TMEM131L: variants seen among roughly 807,000 people sequenced by gnomAD.
TMEM131L encodes transmembrane 131 like.
TMEM131L carries 54 observed loss-of-function variants against 192.2 expected under a neutral mutation model. That is an observed-to-expected ratio of 0.28 (90% CI 0.23 to 0.35). The LOEUF (loss-of-function observed/expected upper bound fraction) is 0.35, where lower values mean the gene tolerates loss of function less well. TMEM131L is among the 10% of genes least tolerant of loss of function. The pLI is 1.00. For synonymous variants in TMEM131L, 701 were observed against 704.9 expected, an observed-to-expected ratio of 0.99 and a Z score of 0.09; for missense variants, 1,888 against 1,972.9, an observed-to-expected ratio of 0.96 and a Z score of 0.82.
At chr4:153,558,130 A>G in intron 6 of TMEM131L, 128 bp from the exon 7 acceptor site, 1 of 491,382 alleles carries the variant, frequency 2.0e-6, no homozygotes, top group Non-Finnish European at 3.8e-6. Context: ...AAATAAAATA[A>G]TTGGATTAGT....
At chr4:153,627,554 T>C (rs1413069152) in intron 30 of TMEM131L, 51 bp from the exon 31 acceptor site, 1 of 1,400,994 alleles carries the variant, frequency 7.1e-7, no homozygotes, top group Non-Finnish European at 1.0e-6. Flanking sequence ...ATATCAGTAT[T>C]TCCTCGTGCA....
chr4:153,603,907 A>G lies in TMEM131L; in HGVS notation c.2895A>G (p.Ala965=), dbSNP rs780581875. 7 of 1,614,132 alleles carry G rather than the reference A, an allele frequency of 4.3e-6. No homozygotes were observed. In the South Asian group the frequency reaches 7.7e-5, roughly 18 times the overall value. Reference sequence around the variant, plus strand: ...CCCAAAGCAGGATCCAGAATGCTGCAAAGAGGAGCCCAGCCACCTATGGTC... The same window carrying G: ...CCCAAAGCAGGATCCAGAATGCTGCGAAGAGGAGCCCAGCCACCTATGGTC... ...NTPQSRIQNA[A]KRSPATYGHS... Residue 965 remains alanine, a synonymous_variant, in exon 25 of 35, where the codon GCA becomes GCG. Coordinates refer to ENST00000409959, the MANE Select transcript of TMEM131L (RefSeq NM_001131007.2).
chr4:153,556,194 A>G (rs1325696549), intron 5 of TMEM131L, among the ~76,000 whole-genome samples: 1 of 152,110 alleles, frequency 6.6e-6, no homozygotes, highest in Non-Finnish European at 1.5e-5. Flanking sequence ...ACATGGCTCT[A>G]TTGTGACTAA....
chr4:153,514,219 A>T (rs114572358), intron 3 of TMEM131L, among the ~76,000 whole-genome samples: 2,065 of 152,224 alleles, frequency 0.014, 51 homozygotes, highest in African/African-American at 0.046. Context: ...TTTCTAGAGG[A>T]TTGTTGAGAA....
chr4:153,573,934 A>G (rs72729680), intron 7 of TMEM131L, among the ~76,000 whole-genome samples: 7,112 of 152,320 alleles, frequency 0.047, 233 homozygotes, highest in Non-Finnish European at 0.072. Flanking sequence ...TGAGCAAATC[A>G]ATATAATCTC....
chr4:153,547,565 T>A (rs1189896966), intron 3 of TMEM131L, among the ~76,000 whole-genome samples: 1 of 152,258 alleles, frequency 6.6e-6, no homozygotes, highest in Non-Finnish European at 1.5e-5. Context: ...TCCTATTATT[T>A]CATTTTATTC....
chr4:153,626,817 A>G (rs1006230251), intron 30 of TMEM131L, among the ~76,000 whole-genome samples: 6 of 152,246 alleles, frequency 3.9e-5, no homozygotes, highest in Admixed American at 3.9e-4. Flanking sequence ...TAGTTATTAT[A>G]AAGATGGGAA....
At chr4:153,516,698 G>C (rs1349814723) in intron 3 of TMEM131L, among the ~76,000 whole-genome samples, 1 of 152,122 alleles carries the variant, frequency 6.6e-6, no homozygotes, top group Non-Finnish European at 1.5e-5. Context: ...AAAATATTCT[G>C]TACTTGCCCT....
intron 26 of TMEM131L, among the ~76,000 whole-genome samples, chr4:153,616,087 T>G (rs549811099): frequency 4.6e-5 from 7 of 152,316 alleles, no homozygotes; most frequent in Non-Finnish European, 7.4e-5. Context: ...CCTCCCTCCT[T>G]GTTTGGTCTG....
intron 3 of TMEM131L, among the ~76,000 whole-genome samples, chr4:153,496,176 T>C (rs1733156658): frequency 1.3e-5 from 2 of 152,352 alleles, no homozygotes; most frequent in East Asian, 1.9e-4. Flanking sequence ...AGGAATTCTT[T>C]AGAAAGGTAT....
intron 3 of TMEM131L, among the ~76,000 whole-genome samples, chr4:153,538,967 T>G (rs1736555377): frequency 6.6e-6 from 1 of 152,148 alleles, no homozygotes; most frequent in African/African-American, 2.4e-5. Flanking sequence ...CCCGTGGCCG[T>G]ACCCAGATGC....
rs143440587 is a variant in TMEM131L at position 153,488,812 on chromosome 4, G to T, written c.239+14924G>T. On this transcript the variant is annotated intron_variant, in intron 3 of 34. Transcript: ENST00000409959. ...GGGCCACGCTGCCTCTGAAACCCTC[G>T]GGGAGTCCGCCCTCGCCTTTTCCTA... Among the ~76,000 whole-genome samples the T allele has an allele frequency of 6.0e-4, 91 of 152,248 alleles. 1 individual carries two copies. The highest frequency in any genetic ancestry group is 2.0e-3 in the African/African-American group (85 of 41,548).
chr4:153,605,460 G>A (rs1040472736), intron 25 of TMEM131L, among the ~76,000 whole-genome samples: 20 of 152,156 alleles, frequency 1.3e-4, no homozygotes, highest in Admixed American at 1.1e-3. Context: ...CTCCACCTCC[G>A]GGGCTCAAGC....
At chr4:153,563,367 A>G (rs545101177) in intron 7 of TMEM131L, among the ~76,000 whole-genome samples, 2 of 152,180 alleles carry the variant, frequency 1.3e-5, no homozygotes, top group Non-Finnish European at 2.9e-5. Context: ...TGCCAGAATA[A>G]TCTCAGAAGG....
intron 3 of TMEM131L, among the ~76,000 whole-genome samples, chr4:153,542,787 A>G (rs1160910183): frequency 6.6e-6 from 1 of 152,206 alleles, no homozygotes; most frequent in Non-Finnish European, 1.5e-5. Context: ...TGGAGGAGAC[A>G]GAGCTGGGAG....
In TMEM131L at chr4:153,488,317, CTG is replaced by C. The variant is rs975749905; in HGVS notation, c.239+14430_239+14431del. 3.9e-5 allele frequency among the ~76,000 whole-genome samples: 6 copies of C among 152,324 alleles called. No individual in the cohort carries two copies. In the East Asian group the frequency reaches 9.6e-4, roughly 24 times the overall value. On this transcript the variant is annotated intron_variant, in intron 3 of 34. Transcript: ENST00000409959. ...AGTGTTCTAAAAATTCTGTGAGAAA[CTG>C]GGGTGGGCGGAAGCAGCACGGGGCA...
At chr4:153,564,139 A>C (rs1729033596) in intron 7 of TMEM131L, among the ~76,000 whole-genome samples, 1 of 151,822 alleles carries the variant, frequency 6.6e-6, no homozygotes, top group East Asian at 1.9e-4. Flanking sequence ...AAATACAAAA[A>C]TTAGCTGTGT....
chr4:153,584,319 T>G (rs547997482), intron 11 of TMEM131L, among the ~76,000 whole-genome samples: 15 of 152,322 alleles, frequency 9.8e-5, no homozygotes, highest in African/African-American at 3.4e-4. Flanking sequence ...AAAGGTAGAT[T>G]TTATTTTCAC....
intron 29 of TMEM131L, among the ~76,000 whole-genome samples, chr4:153,625,804 A>T (rs1012652802): frequency 9.9e-5 from 15 of 152,162 alleles, no homozygotes; most frequent in African/African-American, 3.4e-4. Context: ...CCTACTTGGG[A>T]GGCTGAGGCA....
Sources: gnomAD v4.1 joint callset for allele counts (sites outside exome capture counted in the v4.1 genomes callset) on GRCh38, gnomAD v4.1.1 for gene constraint, MANE v1.5 for transcripts, NCBI Gene and HGNC (gene_info 2026-07-23, HGNC 2026-07-21) for gene names.